The following AXIN1 variants were observed in gnomAD, a reference collection of about 807,000 sequenced individuals.
AXIN1 encodes the protein axin-1.
Under a neutral mutation model 76.4 loss-of-function variants are expected in AXIN1, and 30 were observed. The ratio of observed to expected loss-of-function variants is 0.39; its 90% CI spans 0.29 to 0.53. The LOEUF is 0.53. Among genes scored for constraint, AXIN1 ranks in the 20% least tolerant of loss-of-function variants. The pLI is 0.66. For missense variants in AXIN1, 1,140 were observed against 1,198.8 expected, an observed-to-expected ratio of 0.95 and a Z score of 0.72; for synonymous variants, 545 against 501.4, an observed-to-expected ratio of 1.09 and a Z score of -1.16.
chr16:320,292 C>T (rs2053410058), intron 2 of AXIN1, among the ~76,000 whole-genome samples: 1 of 152,152 alleles, frequency 6.6e-6, no homozygotes, highest in African/African-American at 2.4e-5. Context: ...GTCATCTGCC[C>T]ACCTCGGTGT....
At chr16:314,309 G>A (rs749281366) in intron 3 of AXIN1, among the ~76,000 whole-genome samples, 5 of 152,158 alleles carry the variant, frequency 3.3e-5, no homozygotes, top group Non-Finnish European at 7.4e-5. Context: ...TGAGACCTGG[G>A]GAGCCAGGAA....
Position 298,099 on chromosome 16 carries a change from G to A in AXIN1, c.1407C>T (p.Ser469=), listed in dbSNP as rs896171682. The part of the protein sequence containing the change: ...LRDAHEENPE[S]ILDEHVQRVL... ...CACGCTGTACGTGCTCGTCCAGGAT[G>A]CTCTCAGGGTTCTCCTCGTGTGCAT... Residue 469 remains serine, a synonymous_variant, in exon 6 of 11, where the codon AGC becomes AGT. Transcript: ENST00000262320. The A allele has an allele frequency of 1.2e-5, 18 of 1,549,948 alleles. No homozygotes were observed. The highest frequency in any genetic ancestry group is 1.5e-5 in the Non-Finnish European group (17 of 1,151,208).
intron 2 of AXIN1, among the ~76,000 whole-genome samples, 176 bp downstream of exon 2, chr16:345,972 A>G (rs781634092): frequency 1.3e-5 from 2 of 152,268 alleles, no homozygotes; most frequent in African/African-American, 4.8e-5. Flanking sequence ...TTACAAATAT[A>G]AAAAAGTAAT....
chr16:289,487 G>T lies in AXIN1; in HGVS notation c.2415C>A (p.Val805=), dbSNP rs146847696. Residue 805 remains valine, a synonymous_variant, in exon 10 of 11, where the codon GTC becomes GTA. Transcript: ENST00000262320. The stretch of plus-strand genomic sequence containing the variant: ...GCAGCTCCTTGAACTGGCCCAGGGT[G>T]ACAGCGCGGCCCCTCACCAGGGTGC... ...PYRTLVRGRA[V]TLGQFKELLT... is the part of the protein sequence containing the mutation. The T allele has an allele frequency of 6.2e-7, 1 of 1,612,950 alleles. No homozygotes were observed. Among genetic ancestry groups the T allele is most frequent in the Non-Finnish European group, 8.5e-7 (1 of 1,180,034 alleles).
In AXIN1 at chr16:331,874, G is replaced by A. The variant is rs534836199; in HGVS notation, c.878+14274C>T. 1.8e-4 allele frequency among the ~76,000 whole-genome samples: 28 copies of A among 152,274 alleles called. 1 individual carries two copies. The highest frequency in any genetic ancestry group is 4.3e-4 in the African/African-American group (18 of 41,538). On this transcript the variant is annotated intron_variant, in intron 2 of 10. Transcript: ENST00000262320. ...TCAGATCTCCACACAGGCGCACCTC[G>A]GCCACTAGTCTGACCCCCAGCCTCG...
At chr16:335,288 C>T (rs1385094188) in intron 2 of AXIN1, among the ~76,000 whole-genome samples, 4 of 152,138 alleles carry the variant, frequency 2.6e-5, no homozygotes, top group South Asian at 2.1e-4. Context: ...CCTCTACTTA[C>T]GTCACCCTCA....
chr16:294,091 G>A (rs1178411240), intron 7 of AXIN1, among the ~76,000 whole-genome samples: 2 of 152,188 alleles, frequency 1.3e-5, no homozygotes, highest in African/African-American at 4.8e-5. Context: ...AACTGGGGAA[G>A]TGGAGGTTAC....
rs141495310 is a variant in AXIN1 at position 314,602 on chromosome 16, G to A, written c.960C>T (p.Asp320=). 18 of 1,613,984 alleles carry A rather than the reference G, an allele frequency of 1.1e-5. No individual in the cohort carries two copies. The African/African-American group carries it at 2.1e-4, about 19-fold the overall frequency. ...CGCTGGACAGGCTCTGCTGCTCGCT[G>A]TCGTTGGCACTGGTGGCTGGGGCCA... ...YALAPATSAN[D]SEQQSLSSDA... Residue 320 remains aspartate, a synonymous_variant, in exon 3 of 11, where the codon GAC becomes GAT. Coordinates refer to ENST00000262320, the MANE Select transcript of AXIN1 (RefSeq NM_003502.4).
chr16:339,388 G>A (rs1438012923), intron 2 of AXIN1, among the ~76,000 whole-genome samples: 1 of 146,822 alleles, frequency 6.8e-6, no homozygotes, highest in African/African-American at 2.6e-5. Context: ...ACACGCGCCT[G>A]TAGTCCCAGC....
chr16:320,743 A>ATATATTTTTTTTTT (rs397722732), intron 2 of AXIN1, among the ~76,000 whole-genome samples: 22 of 107,660 alleles, frequency 2.0e-4, no homozygotes, highest in African/African-American at 7.4e-4. Flanking sequence ...ATATATATAT[A>ATATATTTTTTTTTT]TTTTTTTTTT....
At position 348,535 on chromosome 16, in the gene AXIN1, C is replaced by T. The variant is rs146094173; in HGVS notation, c.-81-1429G>A. On this transcript the variant is annotated intron_variant, in intron 1 of 10. Coordinates refer to ENST00000262320, the MANE Select transcript of AXIN1 (RefSeq NM_003502.4). ...ATCCACAGAGCCAGGCGTGGTGTCA[C>T]GCACCTGTAGTCCCAGCTACTCAGG... Among the ~76,000 whole-genome samples, 117 of 152,292 alleles carry T rather than the reference C, an allele frequency of 7.7e-4. 1 individual carries two copies. In the East Asian group the frequency reaches 0.022, roughly 28 times the overall value.
intron 3 of AXIN1, among the ~76,000 whole-genome samples, chr16:311,808 G>A (rs1383390279): frequency 1.3e-5 from 2 of 152,128 alleles, no homozygotes; most frequent in Non-Finnish European, 2.9e-5. Flanking sequence ...AGCTGCCTTC[G>A]GAAGCACGGC....
chr16:289,374 CTT>C, intron 10 of AXIN1, 64 bp downstream of exon 10: 2 of 1,599,544 alleles, frequency 1.3e-6, no homozygotes, highest in South Asian at 2.2e-5. Flanking sequence ...TGGAAACCCT[CTT>C]TTTCATACCG....
At chr16:321,033 T>A (rs575983920) in intron 2 of AXIN1, among the ~76,000 whole-genome samples, 16 of 152,178 alleles carry the variant, frequency 1.1e-4, no homozygotes, top group Admixed American at 2.6e-4. Flanking sequence ...CCACTGCGCC[T>A]GCCCACAAAA....
intron 2 of AXIN1, among the ~76,000 whole-genome samples, chr16:324,797 C>T (rs1197219203): frequency 6.6e-6 from 1 of 152,164 alleles, no homozygotes; most frequent in African/African-American, 2.4e-5. Context: ...AGACAGAACC[C>T]GCCCTGCAGA....
intron 2 of AXIN1, among the ~76,000 whole-genome samples, chr16:318,677 G>A (rs541700822): frequency 2.0e-5 from 3 of 152,328 alleles, no homozygotes; most frequent in Admixed American, 1.3e-4. Context: ...CTGTGCGTGC[G>A]CCTATGGATG....
chr16:352,646 G>T lies in AXIN1; in HGVS notation c.-359C>A, dbSNP rs967704924. 98 of 157,146 alleles carry T rather than the reference G, an allele frequency of 6.2e-4. No homozygotes were observed. Among genetic ancestry groups the T allele is most frequent in the Non-Finnish European group, 1.1e-3 (82 of 72,130 alleles). The allele number at this position is 157,146 out of a possible 1,614,324, so 9.7% of individuals were successfully genotyped here. On this transcript the variant is annotated 5_prime_UTR_variant, in exon 1 of 11. Coordinates refer to ENST00000262320, the MANE Select transcript of AXIN1 (RefSeq NM_003502.4). ...CGGCTCTGGCGGCGGCAGCGGCCAC[G>T]ATCGCCTCCCGAGCCAGAGCCCGAG...
intron 5 of AXIN1, among the ~76,000 whole-genome samples, chr16:302,056 G>A (rs777035734): frequency 2.6e-5 from 4 of 152,302 alleles, no homozygotes; most frequent in East Asian, 3.9e-4. Flanking sequence ...CCCCAATGCC[G>A]CTGGCCTCAG....
intron 2 of AXIN1, among the ~76,000 whole-genome samples, chr16:332,383 C>G (rs1030758259): frequency 1.3e-5 from 2 of 152,016 alleles, no homozygotes; most frequent in East Asian, 1.9e-4. Flanking sequence ...GGAGACCATC[C>G]TGGCTAACAC....
Sources: gnomAD v4.1 joint callset for allele counts (sites outside exome capture counted in the v4.1 genomes callset) on GRCh38, gnomAD v4.1.1 for gene constraint, MANE v1.5 for transcripts, NCBI Gene and HGNC (gene_info 2026-07-23, HGNC 2026-07-21) for gene names.